TFDP2: variants seen among roughly 807,000 people sequenced by gnomAD.
TFDP2 encodes transcription factor Dp-2.
TFDP2 carries 17 observed loss-of-function variants against 59.3 expected under a neutral mutation model. That is an observed-to-expected ratio of 0.29 (90% CI 0.20 to 0.43). The LOEUF (loss-of-function observed/expected upper bound fraction) is 0.43. TFDP2 is among the 20% of genes least tolerant of loss of function. The pLI, the probability that TFDP2 is intolerant of heterozygous loss-of-function variation, is 1.00. For synonymous variants in TFDP2, 180 were observed against 194.7 expected, an observed-to-expected ratio of 0.92 and a Z score of 0.63; for missense variants, 391 against 528.8, an observed-to-expected ratio of 0.74 and a Z score of 2.56.
intron 2 of TFDP2, among the ~76,000 whole-genome samples, chr3:142,093,493 G>A (rs2061065245): frequency 6.6e-6 from 1 of 151,720 alleles, no homozygotes; most frequent in Non-Finnish European, 1.5e-5. Flanking sequence ...TCCAGCTTAA[G>A]ATAAAAATTA....
At chr3:142,027,920 T>C (rs1246646385) in intron 3 of TFDP2, among the ~76,000 whole-genome samples, 1 of 152,154 alleles carries the variant, frequency 6.6e-6, no homozygotes, top group Non-Finnish European at 1.5e-5. Flanking sequence ...TCTCACACTG[T>C]GCCTCATAAT....
rs1227185962 is a variant in TFDP2, at chr3:142,149,393, C to T, written c.-303G>A. 5.2e-6 allele frequency: 2 copies of T among 387,964 alleles called. No homozygotes were observed. The highest frequency in any genetic ancestry group is 9.1e-6 in the Non-Finnish European group (2 of 219,740). 24.0% of individuals were successfully genotyped at this position (387,964 alleles called of 1,614,324 possible). On this transcript the variant is annotated 5_prime_UTR_variant, in exon 1 of 13. Transcript: ENST00000489671. ...ACCGTGCGCGCGCCCTCGAGCCTGC[C>T]CAAAGATGAAGGGTCAGGGCGCGCC...
At chr3:142,050,611 G>A (rs1378263688) in intron 3 of TFDP2, among the ~76,000 whole-genome samples, 1 of 152,058 alleles carries the variant, frequency 6.6e-6, no homozygotes, top group African/African-American at 2.4e-5. Flanking sequence ...CAGGGGAATG[G>A]TATGAACCTG....
intron 1 of TFDP2, among the ~76,000 whole-genome samples, chr3:142,122,123 A>T (rs145023409): frequency 6.6e-6 from 1 of 152,350 alleles, no homozygotes; most frequent in East Asian, 1.9e-4. Context: ...ATTTAAATGA[A>T]ATAAATAAAA....
intron 4 of TFDP2, among the ~76,000 whole-genome samples, chr3:142,001,237 ATCAC>A (rs1943734811): frequency 6.6e-6 from 1 of 152,200 alleles, no homozygotes; most frequent in Non-Finnish European, 1.5e-5. Flanking sequence ...TGGAGATGGC[ATCAC>A]TCAGACACTG....
At chr3:142,025,903 G>C (rs1946046070) in intron 3 of TFDP2, among the ~76,000 whole-genome samples, 1 of 152,178 alleles carries the variant, frequency 6.6e-6, no homozygotes, top group African/African-American at 2.4e-5. Flanking sequence ...GGCAGAGGTT[G>C]CAGTGAGCCG....
At chr3:142,049,670 T>C (rs900042072) in intron 3 of TFDP2, among the ~76,000 whole-genome samples, 1 of 152,184 alleles carries the variant, frequency 6.6e-6, no homozygotes, top group Non-Finnish European at 1.5e-5. Flanking sequence ...AATTTGTTTG[T>C]ACATAAACAA....
At chr3:142,146,339 A>G (rs2063173961) in intron 1 of TFDP2, among the ~76,000 whole-genome samples, 1 of 152,188 alleles carries the variant, frequency 6.6e-6, no homozygotes, top group Non-Finnish European at 1.5e-5. Flanking sequence ...TAAAATAGGT[A>G]TCATACATAC....
chr3:142,107,484 A>G (rs948983194), intron 1 of TFDP2, among the ~76,000 whole-genome samples: 22 of 151,926 alleles, frequency 1.4e-4, no homozygotes, highest in Non-Finnish European at 1.5e-5. Flanking sequence ...CACCCACCTC[A>G]GCCTCCCAAA....
chr3:141,989,625 T>G (rs1391899525), intron 6 of TFDP2: 1 of 152,238 alleles, frequency 6.6e-6, no homozygotes, highest in Non-Finnish European at 1.5e-5. Context: ...GCTAAAAGTC[T>G]TTATTCAATC....
At chr3:142,042,157 A>C (rs1947007844) in intron 3 of TFDP2, among the ~76,000 whole-genome samples, 1 of 152,130 alleles carries the variant, frequency 6.6e-6, no homozygotes, top group Non-Finnish European at 1.5e-5. Context: ...TAACATATTC[A>C]TTTTTATTCT....
chr3:142,023,150 G>GA (rs1403180217), intron 3 of TFDP2, among the ~76,000 whole-genome samples: 2 of 142,306 alleles, frequency 1.4e-5, no homozygotes, highest in African/African-American at 5.2e-5. Flanking sequence ...AAAAGAAAAA[G>GA]AAAAGAAAAA....
intron 3 of TFDP2, among the ~76,000 whole-genome samples, chr3:142,020,926 A>G (rs1416557226): frequency 6.6e-6 from 1 of 152,026 alleles, no homozygotes; most frequent in Non-Finnish European, 1.5e-5. Context: ...TCGAAGCTGC[A>G]GTGAGCTGTG....
chr3:141,966,573 T>C (rs1938106486), intron 9 of TFDP2, among the ~76,000 whole-genome samples: 1 of 151,834 alleles, frequency 6.6e-6, no homozygotes, highest in Admixed American at 6.6e-5. Flanking sequence ...ACTGACTTAT[T>C]TGTTGCCCTT....
At chr3:142,127,338 C>T (rs1467075010) in intron 1 of TFDP2, among the ~76,000 whole-genome samples, 1 of 132,226 alleles carries the variant, frequency 7.6e-6, no homozygotes, top group South Asian at 2.5e-4. Flanking sequence ...GACAGAGTCT[C>T]GCTGTGTTGC....
At chr3:142,022,795 G>T (rs1288579760) in intron 3 of TFDP2, among the ~76,000 whole-genome samples, 1 of 152,134 alleles carries the variant, frequency 6.6e-6, no homozygotes, top group Non-Finnish European at 1.5e-5. Flanking sequence ...TATAAGAGGT[G>T]ACCATGACTG....
At chr3:142,146,149 C>A (rs1381859818) in intron 1 of TFDP2, among the ~76,000 whole-genome samples, 3 of 151,800 alleles carry the variant, frequency 2.0e-5, no homozygotes. Flanking sequence ...TATTGGATGA[C>A]CAAATCAGGA....
chr3:142,004,016 C>A (rs1475178922), intron 4 of TFDP2, among the ~76,000 whole-genome samples: 1 of 152,166 alleles, frequency 6.6e-6, no homozygotes, highest in Non-Finnish European at 1.5e-5. Flanking sequence ...TATATAATCA[C>A]ATTTCAAAAT....
chr3:142,017,440 C>T (rs915174733), intron 3 of TFDP2, among the ~76,000 whole-genome samples: 3 of 152,086 alleles, frequency 2.0e-5, no homozygotes, highest in East Asian at 1.9e-4. Context: ...CCTGCCATCC[C>T]GAATCACCAC....
Sources: gnomAD v4.1 joint callset for allele counts (sites outside exome capture counted in the v4.1 genomes callset) on GRCh38, gnomAD v4.1.1 for gene constraint, MANE v1.5 for transcripts, NCBI Gene and HGNC (gene_info 2026-07-23, HGNC 2026-07-21) for gene names.